CSNK1G1: variants seen among roughly 807,000 people sequenced by gnomAD.
CSNK1G1 encodes casein kinase 1 gamma 1, also known as casein kinase I isoform gamma-1.
In CSNK1G1, 22 loss-of-function variants were observed where a neutral mutation model predicts 59.6. The observed-to-expected ratio is 0.37, with a 90% CI of 0.26 to 0.53. CSNK1G1 has a LOEUF of 0.53. Among genes scored for constraint, CSNK1G1 ranks in the 20% least tolerant of loss-of-function variants. The pLI, the probability that CSNK1G1 is intolerant of heterozygous loss-of-function variation, is 0.89. For missense variants in CSNK1G1, 384 were observed against 519.5 expected (o/e 0.74, Z 2.54); for synonymous variants, 179 against 177.1 (o/e 1.01, Z -0.08).
chr15:64,349,954 A>G (rs1350545350), intron 1 of CSNK1G1, among the ~76,000 whole-genome samples: 1 of 151,942 alleles, frequency 6.6e-6, no homozygotes, highest in Non-Finnish European at 1.5e-5. Flanking sequence ...AAAAAATCCC[A>G]AATGAAAAGT....
intron 2 of CSNK1G1, among the ~76,000 whole-genome samples, chr15:64,289,203 G>A (rs548772829): frequency 1.1e-4 from 17 of 150,454 alleles, no homozygotes; most frequent in Non-Finnish European, 1.5e-4. Flanking sequence ...AAAAATTCCG[G>A]AATTGTTTGG....
intron 1 of CSNK1G1, chr15:64,316,774 A>G (rs1896292919): frequency 6.6e-6 from 1 of 152,068 alleles, no homozygotes; most frequent in Admixed American, 6.6e-5. Flanking sequence ...GATTCCAGAC[A>G]TTGTATGGAA....
At chr15:64,243,216 A>G (rs929537910) in intron 4 of CSNK1G1, among the ~76,000 whole-genome samples, 1 of 151,986 alleles carries the variant, frequency 6.6e-6, no homozygotes, top group Admixed American at 6.6e-5. Flanking sequence ...TGAACCTGTA[A>G]TCCCAGCTAC....
At chr15:64,246,409 GC>G (rs1891756951) in intron 4 of CSNK1G1, among the ~76,000 whole-genome samples, 1 of 152,018 alleles carries the variant, frequency 6.6e-6, no homozygotes, top group South Asian at 2.1e-4. Flanking sequence ...ATCACCTGGG[GC>G]CAAGAGTTCA....
At chr15:64,257,084 C>G (rs773665837) in intron 3 of CSNK1G1, among the ~76,000 whole-genome samples, 1 of 151,686 alleles carries the variant, frequency 6.6e-6, no homozygotes. Flanking sequence ...AAACTGTTAT[C>G]CTCTAAAATG....
intron 1 of CSNK1G1, among the ~76,000 whole-genome samples, chr15:64,346,550 C>G (rs1004100938): frequency 6.6e-6 from 1 of 151,788 alleles, no homozygotes; most frequent in Non-Finnish European, 1.5e-5. Context: ...TTCCGCCTCC[C>G]AGGTTCAAGT....
intron 2 of CSNK1G1, among the ~76,000 whole-genome samples, chr15:64,290,656 A>C (rs1465429411): frequency 6.6e-6 from 1 of 152,224 alleles, no homozygotes; most frequent in African/African-American, 2.4e-5. Flanking sequence ...TTACACAAAA[A>C]AACCCAGACT....
chr15:64,271,408 C>T (rs1893297992), intron 2 of CSNK1G1, among the ~76,000 whole-genome samples: 1 of 152,022 alleles, frequency 6.6e-6, no homozygotes, highest in Non-Finnish European at 1.5e-5. Flanking sequence ...TCCACCTCAG[C>T]CTCTCAAGTA....
intron 10 of CSNK1G1, among the ~76,000 whole-genome samples, chr15:64,195,283 T>C (rs1158957943): frequency 6.6e-6 from 1 of 152,238 alleles, no homozygotes; most frequent in East Asian, 1.9e-4. Context: ...CTCTCTCCAC[T>C]GTCAAAATGG....
At chr15:64,260,355 A>C (rs1892629273) in intron 2 of CSNK1G1, among the ~76,000 whole-genome samples, 1 of 152,056 alleles carries the variant, frequency 6.6e-6, no homozygotes, top group Admixed American at 6.5e-5. Flanking sequence ...TCTGTAATAC[A>C]TAGCGGAATA....
At chr15:64,177,991 C>T (rs566320469) in intron 11 of CSNK1G1, among the ~76,000 whole-genome samples, 3 of 152,128 alleles carry the variant, frequency 2.0e-5, no homozygotes, top group Non-Finnish European at 4.4e-5. Flanking sequence ...AATCAGACCA[C>T]GCTTGGTACA....
intron 4 of CSNK1G1, among the ~76,000 whole-genome samples, chr15:64,246,771 A>C (rs903581624): frequency 5.3e-5 from 8 of 152,008 alleles, no homozygotes; most frequent in African/African-American, 1.9e-4. Flanking sequence ...TAGACTTAGA[A>C]ATTTCAGGTT....
At chr15:64,204,295 A>G (rs1429226569) in intron 9 of CSNK1G1, 146 bp downstream of exon 9, 1 of 605,636 alleles carries the variant, frequency 1.7e-6, no homozygotes, top group Non-Finnish European at 2.6e-6. Context: ...ACACCCAGAC[A>G]AGGCTAGTAA....
chr15:64,278,086 C>G (rs1210363017), intron 2 of CSNK1G1, among the ~76,000 whole-genome samples: 2 of 150,014 alleles, frequency 1.3e-5, no homozygotes, highest in Non-Finnish European at 3.0e-5. Flanking sequence ...CACTCTGTTG[C>G]CCAGGCTGGA....
At chr15:64,264,725 T>C (rs563630675) in intron 2 of CSNK1G1, among the ~76,000 whole-genome samples, 44 of 152,282 alleles carry the variant, frequency 2.9e-4, no homozygotes, top group Middle Eastern at 3.4e-3. Flanking sequence ...AATATATGCA[T>C]ATCAATACAC....
rs1199818549 is a variant in CSNK1G1 at position 64,171,771 on chromosome 15, C to A, written c.*160G>T. The A allele has an allele frequency of 3.0e-6, 2 of 677,506 alleles. No individual in the cohort carries two copies. Among genetic ancestry groups the A allele is most frequent in the African/African-American group, 1.8e-5 (1 of 55,788 alleles). 42.0% of individuals were successfully genotyped at this position (677,506 alleles called of 1,614,324 possible). A position where few individuals can be genotyped will look rare whatever the true frequency, so the allele number is the denominator to read the frequency against. ...TGGCCAATGACCCACTAGGCCCTGG[C>A]TGCCCGCACTGGCCCCTTCTGGGGG... On this transcript the variant is annotated 3_prime_UTR_variant, in exon 12 of 12. Coordinates refer to ENST00000303052, the MANE Select transcript of CSNK1G1 (RefSeq NM_022048.5). This position sits in a 1 kb window ranked among gnomAD's most constrained non-coding sequence, Gnocchi z 4.8.
At position 64,300,414 on chromosome 15, in the gene CSNK1G1, G is replaced by C. The variant is rs748071015; in HGVS notation, c.86C>G (p.Ser29Cys). The C allele has an allele frequency of 2.5e-6, 4 of 1,614,224 alleles. No individual in the cohort carries two copies. The highest frequency in any genetic ancestry group is 2.2e-5 in the East Asian group (1 of 44,884). ...AACCCCAGAGGACGATGAGGAGCCA[G>C]ATGGTCGAGAGCAGTGTGCACTCCT... ...AQRSAHCSRP[S>C]GSSSSSGVLM... The change falls in exon 2 of 12, where the codon TCT (serine) becomes TGT (cysteine). Residue 29 changes from serine to cysteine, a missense_variant. By Grantham distance (112) the Ser-to-Cys change is moderately radical. Around this residue, in one of 3 missense-constraint regions of CSNK1G1, gnomAD observed 56 missense variants for 60.8 expected, o/e 0.92. Coordinates refer to ENST00000303052, the MANE Select transcript of CSNK1G1 (RefSeq NM_022048.5).
At chr15:64,209,500 T>C (rs138844051) in intron 6 of CSNK1G1, among the ~76,000 whole-genome samples, 8 of 152,236 alleles carry the variant, frequency 5.3e-5, no homozygotes, top group African/African-American at 1.9e-4. Context: ...TGGTTACTAA[T>C]GGGAAGGAGA....
chr15:64,282,580 G>A (rs1894200053), intron 2 of CSNK1G1, among the ~76,000 whole-genome samples: 1 of 152,054 alleles, frequency 6.6e-6, no homozygotes, highest in Non-Finnish European at 1.5e-5. Context: ...TTTTGTTACT[G>A]GATCTGTTCA....
Sources: allele counts gnomAD v4.1 joint callset (sites outside exome capture counted in the v4.1 genomes callset), GRCh38; gene constraint gnomAD v4.1.1; regional missense constraint gnomAD v4.1.1; non-coding constraint Gnocchi (gnomAD v3.1); transcripts MANE v1.5; gene names NCBI Gene and HGNC (gene_info 2026-07-23, HGNC 2026-07-21).